Variants in TBC1D30 observed in about 807,000 individuals in gnomAD.
TBC1D30 encodes the protein TBC1 domain family, member 30.
TBC1D30 carries 31 observed loss-of-function variants against 63.2 expected under a neutral mutation model. That is an observed-to-expected ratio of 0.49 (90% CI 0.37 to 0.66). The LOEUF (loss-of-function observed/expected upper bound fraction) is 0.66. TBC1D30 is among the 30% of genes least tolerant of loss of function. The pLI is 0.00. For missense variants in TBC1D30, 810 were observed against 953.6 expected, an observed-to-expected ratio of 0.85 and a Z score of 1.98; for synonymous variants, 307 against 361.5, an observed-to-expected ratio of 0.85 and a Z score of 1.71.
chr12:64,831,227 G>A (rs990441325), intron 4 of TBC1D30, among the ~76,000 whole-genome samples: 19 of 152,090 alleles, frequency 1.2e-4, no homozygotes, highest in Non-Finnish European at 8.8e-5. Context: ...TTTTAAGGAG[G>A]AAGTACTAAC....
In TBC1D30 at chr12:64,824,668, C is replaced by G; in HGVS notation, c.-212C>G. 1.7e-6 allele frequency: 1 copy of G among 584,578 alleles called. No homozygotes were observed. The highest frequency in any genetic ancestry group is 2.0e-5 in the African/African-American group (1 of 50,608). The allele number at this position is 584,578 out of a possible 1,614,324, so 36.2% of individuals were successfully genotyped here. ...CCTCAGCCTTGCAGGCTCCGCACTG[C>G]AGATGCCTGCTGGCTTCCCTGCGCT... On this transcript the variant is annotated 5_prime_UTR_variant, in exon 1 of 12. Coordinates refer to ENST00000539867, the MANE Select transcript of TBC1D30 (RefSeq NM_015279.2).
intron 1 of TBC1D30, among the ~76,000 whole-genome samples, chr12:64,759,917 T>C (rs1254082184): frequency 6.6e-6 from 1 of 152,214 alleles, no homozygotes; most frequent in Non-Finnish European, 1.5e-5. Context: ...TTTTTAATTT[T>C]CTCTACAACT....
upstream of TBC1D30, among the ~76,000 whole-genome samples, chr12:64,821,105 AT>A (rs1873860288): frequency 6.6e-6 from 1 of 152,246 alleles, no homozygotes; most frequent in Non-Finnish European, 1.5e-5. Flanking sequence ...AGGTCTTTTT[AT>A]CAGTCATGAC....
At chr12:64,796,909 T>C (rs952941864) in intron 2 of TBC1D30, among the ~76,000 whole-genome samples, 11 of 151,468 alleles carry the variant, frequency 7.3e-5, no homozygotes, top group African/African-American at 2.7e-4. Flanking sequence ...TTTAATTTGG[T>C]AGGACAATCA....
chr12:64,809,462 T>C (rs1343210984), intron 2 of TBC1D30, among the ~76,000 whole-genome samples: 1 of 152,224 alleles, frequency 6.6e-6, no homozygotes, highest in Non-Finnish European at 1.5e-5. Context: ...TATTCCATGG[T>C]AGAATGTTAC....
intron 11 of TBC1D30, among the ~76,000 whole-genome samples, chr12:64,871,477 T>G (rs1878652516): frequency 6.6e-6 from 1 of 152,204 alleles, no homozygotes; most frequent in Non-Finnish European, 1.5e-5. Flanking sequence ...AAATGGTGCC[T>G]GTCCAGAATT....
chr12:64,878,346 T>G lies in TBC1D30; in HGVS notation c.*2558T>G. 1 of 428,304 alleles carries G rather than the reference T, an allele frequency of 2.3e-6. No individual in the cohort carries two copies. Among genetic ancestry groups the G allele is most frequent in the Non-Finnish European group, 4.7e-6 (1 of 212,190 alleles). The allele number at this position is 428,304 out of a possible 1,614,324, so 26.5% of individuals were successfully genotyped here. Reference sequence around the variant, plus strand: ...CAGTATGGACTTGCTATCTTCCCTATGTATTGGACACTGTATGCAAACACC... The same window carrying G: ...CAGTATGGACTTGCTATCTTCCCTAGGTATTGGACACTGTATGCAAACACC... On this transcript the variant is annotated 3_prime_UTR_variant, in exon 12 of 12. Coordinates refer to ENST00000539867, the MANE Select transcript of TBC1D30 (RefSeq NM_015279.2).
At chr12:64,772,498 C>T (rs564149702) in intron 1 of TBC1D30, among the ~76,000 whole-genome samples, 66 of 152,026 alleles carry the variant, frequency 4.3e-4, no homozygotes, top group African/African-American at 7.7e-4. Flanking sequence ...GGCGCAATCT[C>T]GGCTTACTGC....
At chr12:64,870,144 G>T (rs992476615) in intron 10 of TBC1D30, among the ~76,000 whole-genome samples, 8 of 152,228 alleles carry the variant, frequency 5.3e-5, no homozygotes, top group African/African-American at 1.9e-4. Context: ...TTTATAAATT[G>T]TGTTACTACC....
chr12:64,765,405 C>T (rs190749771), intron 1 of TBC1D30, among the ~76,000 whole-genome samples: 10 of 135,138 alleles, frequency 7.4e-5, no homozygotes, highest in Non-Finnish European at 1.1e-4. Flanking sequence ...AGGAGAATGG[C>T]GTGAACCCGG....
intron 2 of TBC1D30, among the ~76,000 whole-genome samples, chr12:64,806,307 A>C (rs1202335698): frequency 6.6e-6 from 1 of 152,244 alleles, no homozygotes; most frequent in East Asian, 1.9e-4. Context: ...AGAGCCTCAG[A>C]GTGATTAAAT....
At chr12:64,874,942 C>A in intron 11 of TBC1D30, 59 bp from the exon 12 acceptor site, 1 of 1,459,048 alleles carries the variant, frequency 6.9e-7, no homozygotes. Flanking sequence ...GATTTCTGTT[C>A]CAAGATGGAT....
intron 9 of TBC1D30, 30 bp from the exon 10 acceptor site, chr12:64,866,734 A>G (rs547516712): frequency 6.5e-7 from 1 of 1,529,678 alleles, no homozygotes; most frequent in Non-Finnish European, 8.7e-7. Context: ...TTCTTTGTAT[A>G]TTTCTTTTTT....
At chr12:64,824,241 C>T (rs1409314528), upstream of TBC1D30, among the ~76,000 whole-genome samples, 1 of 152,072 alleles carries the variant, frequency 6.6e-6, no homozygotes, top group African/African-American at 2.4e-5. Context: ...ATTTTCTCCG[C>T]GCCTCTCTAA....
At chr12:64,768,803 G>T (rs1169617969) in intron 1 of TBC1D30, among the ~76,000 whole-genome samples, 1 of 152,182 alleles carries the variant, frequency 6.6e-6, no homozygotes, top group Non-Finnish European at 1.5e-5. Flanking sequence ...TTGCTGTTAA[G>T]ACTATTTTAT....
intron 1 of TBC1D30, among the ~76,000 whole-genome samples, chr12:64,769,621 C>T (rs760395482): frequency 6.7e-6 from 1 of 149,894 alleles, no homozygotes; most frequent in Non-Finnish European, 1.5e-5. Context: ...TTCCTGACCT[C>T]GTGATCTGCC....
intron 2 of TBC1D30, among the ~76,000 whole-genome samples, chr12:64,790,403 GA>G (rs897191341): frequency 6.6e-6 from 1 of 152,134 alleles, no homozygotes; most frequent in Admixed American, 6.6e-5. Context: ...TGTTTTTCCT[GA>G]AAGCAGAAGG....
intron 8 of TBC1D30, among the ~76,000 whole-genome samples, chr12:64,844,611 GTCTTATTCA>G: frequency 6.6e-6 from 1 of 152,182 alleles, no homozygotes; most frequent in East Asian, 1.9e-4. Context: ...CAAATACTAG[GTCTTATTCA>G]TTCTTTCTAA....
Position 64,877,302 on chromosome 12 carries a change from G to A in TBC1D30, c.*1514G>A, listed in dbSNP as rs58471219. ...CTCTGGAAGACGATTGGCGATACTT[G>A]CAGGAATATTGTTGATGCAGCCAAT... On this transcript the variant is annotated 3_prime_UTR_variant, in exon 12 of 12. Transcript: ENST00000539867. 0.012 allele frequency: 1,870 copies of A among 158,122 alleles called. 54 individuals are homozygous for A. Among genetic ancestry groups the A allele is most frequent in the African/African-American group, 0.043 (1,787 of 41,708 alleles). 9.8% of individuals were successfully genotyped at this position (158,122 alleles called of 1,614,324 possible). A position where few individuals can be genotyped will look rare whatever the true frequency, so the allele number is the denominator to read the frequency against.
Sources: allele counts gnomAD v4.1 joint callset (sites outside exome capture counted in the v4.1 genomes callset), GRCh38; gene constraint gnomAD v4.1.1; transcripts MANE v1.5; gene names NCBI Gene and HGNC (gene_info 2026-07-23, HGNC 2026-07-21).